The following SVOPL variants were observed in gnomAD, a reference collection of about 807,000 sequenced individuals.
The protein encoded by SVOPL is putative transporter SVOPL.
SVOPL carries 60 observed loss-of-function variants against 61.0 expected under a neutral mutation model. The ratio of observed to expected loss-of-function variants is 0.98; its 90% CI spans 0.80 to 1.22. The LOEUF is 1.22. Ranked by LOEUF, SVOPL falls within the 50% of genes most tolerant of loss-of-function variation. SVOPL has a pLI of 0.00. For synonymous variants in SVOPL, 279 were observed against 250.0 expected (o/e 1.12, Z -1.09); for missense variants, 662 against 643.9 (o/e 1.03, Z -0.30).
intron 5 of SVOPL, 179 bp from the exon 6 acceptor site, chr7:138,660,167 T>A: frequency 7.2e-7 from 1 of 1,380,610 alleles, no homozygotes; most frequent in Non-Finnish European, 9.4e-7. Flanking sequence ...GCCATTCTAC[T>A]GTCTGGAAGC....
intron 3 of SVOPL, among the ~76,000 whole-genome samples, chr7:138,677,268 A>C (rs922453322): frequency 6.6e-6 from 1 of 152,088 alleles, no homozygotes; most frequent in Non-Finnish European, 1.5e-5. Context: ...GGTCAGTAGA[A>C]AAAAGACTGC....
Position 138,627,268 on chromosome 7 carries a change from C to G in SVOPL, c.1181+82G>C, listed in dbSNP as rs1055210920. ...TCTCCTGGGTGAAAGTGACTTGTCC[C>G]TGAAACTACTGAACACCATGGGTCA... On this transcript the variant is annotated intron_variant, in intron 12 of 15. Coordinates refer to ENST00000674285, the MANE Select transcript of SVOPL (RefSeq NM_001139456.2). The G allele has an allele frequency of 1.2e-5, 13 of 1,053,154 alleles. No homozygotes were observed. In the Admixed American group the frequency reaches 1.7e-4, roughly 14 times the overall value. The allele number at this position is 1,053,154 out of a possible 1,614,324, so 65.2% of individuals were successfully genotyped here. A position where few individuals can be genotyped will look rare whatever the true frequency, so the allele number is the denominator to read the frequency against.
chr7:138,608,548 C>T (rs952816304), intron 14 of SVOPL, among the ~76,000 whole-genome samples: 4 of 152,176 alleles, frequency 2.6e-5, no homozygotes, highest in African/African-American at 9.7e-5. Context: ...CCTCAACAGA[C>T]GCCCACGGCC....
chr7:138,629,127 A>ATGTG (rs71520009), intron 10 of SVOPL, among the ~76,000 whole-genome samples: 27 of 66,168 alleles, frequency 4.1e-4, no homozygotes, highest in South Asian at 8.1e-4. Context: ...TGTTTTATAT[A>ATGTG]TGTGTGTGTG....
chr7:138,690,573 A>T (rs1802917536), intron 1 of SVOPL, among the ~76,000 whole-genome samples: 1 of 152,220 alleles, frequency 6.6e-6, no homozygotes, highest in Non-Finnish European at 1.5e-5. Flanking sequence ...ATTTATATGA[A>T]ATATCCATTT....
intron 14 of SVOPL, chr7:138,597,286 A>T: frequency 8.2e-7 from 1 of 1,214,388 alleles, no homozygotes; most frequent in Non-Finnish European, 1.1e-6. Flanking sequence ...ATTTAGAAAG[A>T]CCTAGAAACT....
rs114999099 is a variant in SVOPL, at chr7:138,640,169, A to G, written c.789+4548T>C. Among the ~76,000 whole-genome samples the G allele has an allele frequency of 9.8e-3, 1,488 of 152,256 alleles. 27 individuals are homozygous for G. Among genetic ancestry groups the G allele is most frequent in the African/African-American group, 0.034 (1,403 of 41,530 alleles). ...GCTACTTTCAACATGTTAACATGAG[A>G]GAAAATAGAATTTAAGGCTCTTCAT... On this transcript the variant is annotated intron_variant, in intron 9 of 15. Transcript: ENST00000674285.
chr7:138,652,904 G>C (rs867123992), intron 7 of SVOPL, among the ~76,000 whole-genome samples: 6 of 152,346 alleles, frequency 3.9e-5, no homozygotes, highest in African/African-American at 1.4e-4. Flanking sequence ...GGGATTACAG[G>C]CGTGAGCCAC....
intron 4 of SVOPL, among the ~76,000 whole-genome samples, chr7:138,666,450 C>G (rs1418036158): frequency 6.6e-6 from 1 of 152,132 alleles, no homozygotes; most frequent in Non-Finnish European, 1.5e-5. Flanking sequence ...AATAGACACC[C>G]CTTTAGCAAC....
intron 13 of SVOPL, among the ~76,000 whole-genome samples, chr7:138,622,256 ATCTATCTATCTATGTATC>A (rs1799691610): frequency 7.5e-6 from 1 of 133,512 alleles, no homozygotes; most frequent in African/African-American, 2.8e-5. Context: ...CTATCTATGT[ATCTATCTATCTATGTATC>A]TATCTATCTA....
intron 14 of SVOPL, among the ~76,000 whole-genome samples, chr7:138,600,978 G>A (rs575632566): frequency 2.5e-4 from 38 of 152,184 alleles, no homozygotes; most frequent in East Asian, 1.4e-3. Flanking sequence ...TAGGCCGGGC[G>A]CGGTGGCTCA....
intron 13 of SVOPL, 27 bp downstream of exon 13, chr7:138,625,942 G>GT: frequency 6.2e-7 from 1 of 1,612,970 alleles, no homozygotes; most frequent in East Asian, 2.2e-5. Flanking sequence ...CACACCCTTT[G>GT]TAAGCAAGCC....
chr7:138,679,125 T>C (rs1030888730), intron 1 of SVOPL, 46 bp from the exon 2 acceptor site: 29 of 1,354,138 alleles, frequency 2.1e-5, no homozygotes, highest in Middle Eastern at 1.8e-4. Context: ...ATAATGGTTA[T>C]TGGATAGTTA....
intron 4 of SVOPL, among the ~76,000 whole-genome samples, chr7:138,670,087 T>C (rs992790689): frequency 3.3e-5 from 5 of 152,174 alleles, no homozygotes; most frequent in Admixed American, 1.3e-4. Context: ...TTGCAAAAAT[T>C]ATAATAGAAA....
At chr7:138,666,029 A>C (rs987176300) in intron 4 of SVOPL, among the ~76,000 whole-genome samples, 2 of 152,194 alleles carry the variant, frequency 1.3e-5, no homozygotes, top group African/African-American at 4.8e-5. Context: ...CAAAACAAAA[A>C]ACAAGAAACT....
intron 14 of SVOPL, among the ~76,000 whole-genome samples, chr7:138,616,800 T>G (rs1019865911): frequency 6.6e-6 from 1 of 152,192 alleles, no homozygotes; most frequent in Non-Finnish European, 1.5e-5. Flanking sequence ...TTAATTTGTT[T>G]ATTTATGACA....
intron 9 of SVOPL, among the ~76,000 whole-genome samples, chr7:138,636,587 C>T (rs1254668744): frequency 2.6e-5 from 4 of 151,592 alleles, no homozygotes; most frequent in African/African-American, 7.3e-5. Flanking sequence ...TCTCGTGCCT[C>T]GGCCTCCCAA....
At chr7:138,689,912 T>C (rs1802904154) in intron 1 of SVOPL, among the ~76,000 whole-genome samples, 2 of 149,366 alleles carry the variant, frequency 1.3e-5, no homozygotes, top group Admixed American at 1.3e-4. Flanking sequence ...GTCTTACCCA[T>C]TGTAAATGAT....
Position 138,678,474 on chromosome 7 carries a change from C to G in SVOPL, c.134G>C (p.Arg45Pro), listed in dbSNP as rs909297466. ...EDAVETIGFG[R>P]FHIALFLIMG... ...GATCAGAAAGAGGGCAATGTGGAAA[C>G]GCCCGAAGCCGATAGTCTCCACTGC... The change falls in exon 3 of 16, where the codon CGT (arginine) becomes CCT (proline). Residue 45 changes from arginine (R) to proline (P), a missense_variant. By Grantham distance (103) the Arg-to-Pro change is moderately radical (BLOSUM62 -2). Transcript: ENST00000674285. 2 of 1,551,876 alleles carry G rather than the reference C, an allele frequency of 1.3e-6. No individual in the cohort carries two copies. Among genetic ancestry groups the G allele is most frequent in the South Asian group, 2.4e-5 (2 of 84,062 alleles).
Sources: gnomAD v4.1 joint callset for allele counts (sites outside exome capture counted in the v4.1 genomes callset) on GRCh38, gnomAD v4.1.1 for gene constraint, MANE v1.5 for transcripts, NCBI Gene and HGNC (gene_info 2026-07-23, HGNC 2026-07-21) for gene names.